Variants in HSPH1 observed in about 807,000 individuals in gnomAD.
HSPH1 encodes the protein heat shock protein family H (Hsp110) member 1.
A neutral mutation model predicts 100.0 loss-of-function variants in HSPH1; 40 were observed. The observed-to-expected ratio is 0.40, with a 90% CI of 0.31 to 0.52. The LOEUF (loss-of-function observed/expected upper bound fraction) is 0.52. Ranked by LOEUF, HSPH1 falls within the 20% of genes least tolerant of loss-of-function variation. The probability of loss-of-function intolerance (pLI) is 0.54; values close to 1 mark genes in which losing one functional copy is unlikely to be tolerated. For missense variants in HSPH1, 876 were observed against 1,015.1 expected (o/e 0.86, Z 1.86); for synonymous variants, 403 against 344.0 (o/e 1.17, Z -1.90).
intron 1 of HSPH1, 45 bp from the exon 2 acceptor site, chr13:31,158,908 A>G (rs768535391): frequency 7.4e-6 from 9 of 1,218,296 alleles, no homozygotes; most frequent in South Asian, 3.6e-5. Context: ...ATAAAGGTTG[A>G]TATTTTAAAC....
At position 31,152,917 on chromosome 13, in the gene HSPH1, G is replaced by C; in HGVS notation, c.464C>G (p.Ser155Cys). The change falls in exon 5 of 18, where the codon TCT becomes TGT. Residue 155 changes from serine (S) to cysteine (C), a missense_variant. Ser to Cys is a moderately radical substitution (Grantham distance 112). Transcript: ENST00000320027. The part of the protein sequence containing the change: ...PSFFTDAERR[S>C]VLDAAQIVGL... ...AACAATCTGTGCAGCATCTAACACA[G>C]ATCGCCTCTCAGCATCTGTAAAGAA... 6.2e-7 allele frequency: 1 copy of C among 1,612,554 alleles called. No homozygotes were observed. The highest frequency in any genetic ancestry group is 1.7e-5 in the Admixed American group (1 of 59,988).
Position 31,161,778 on chromosome 13 carries a change from G to A in HSPH1, c.-196C>T, listed in dbSNP as rs1244482914. The A allele has an allele frequency of 7.3e-6, 11 of 1,501,258 alleles. No individual in the cohort carries two copies. The highest frequency in any genetic ancestry group is 8.0e-6 in the Non-Finnish European group (9 of 1,126,362). The allele number at this position is 1,501,258 out of a possible 1,614,324, so 93.0% of individuals were successfully genotyped here. A position where few individuals can be genotyped will look rare whatever the true frequency, so the allele number is the denominator to read the frequency against. ...GCCTCCTACTCCCCCGGGGACAGCG[G>A]CGGCTGGCTGATAAGAAACCCTGGG... On this transcript the variant is annotated 5_prime_UTR_variant, in exon 1 of 18. Coordinates refer to ENST00000320027, the MANE Select transcript of HSPH1 (RefSeq NM_006644.4).
Position 31,148,080 on chromosome 13 carries a change from G to C in HSPH1, c.1257C>G (p.Val419=). 6.2e-7 allele frequency: 1 copy of C among 1,606,736 alleles called. No homozygotes were observed. The highest frequency in any genetic ancestry group is 8.5e-7 in the Non-Finnish European group (1 of 1,177,888). The change falls in exon 10 of 18, where the codon GTC becomes GTG. Residue 419 remains valine, a synonymous_variant. Transcript: ENST00000320027. ...DSEDTEGVHE[V]FSRNHAAPFS... Reference sequence around the variant, plus strand: ...AAGGAGCAGCATGGTTTCGACTAAAGACTTCATGAACACTAGAGAGAAAAG... The same window carrying C: ...AAGGAGCAGCATGGTTTCGACTAAACACTTCATGAACACTAGAGAGAAAAG...
At chr13:31,142,710 T>G (rs1307969661) in intron 12 of HSPH1, among the ~76,000 whole-genome samples, 2 of 152,036 alleles carry the variant, frequency 1.3e-5, no homozygotes, top group South Asian at 4.1e-4. Flanking sequence ...TCCAAAAGGT[T>G]TGAGACTAGT....
chr13:31,143,114 T>C (rs1225541973), intron 12 of HSPH1, among the ~76,000 whole-genome samples: 1 of 152,122 alleles, frequency 6.6e-6, no homozygotes, highest in Non-Finnish European at 1.5e-5. Flanking sequence ...AGCAGGCTAA[T>C]TATTTACATG....
rs758234099 is a variant in HSPH1, at chr13:31,150,851, T to C, written c.908+96A>G. 7.2e-4 allele frequency: 889 copies of C among 1,242,852 alleles called. 1 individual carries two copies. Among genetic ancestry groups the C allele is most frequent in the Non-Finnish European group, 9.1e-4 (809 of 893,382 alleles). The allele number at this position is 1,242,852 out of a possible 1,614,324, so 77.0% of individuals were successfully genotyped here. On this transcript the variant is annotated intron_variant, in intron 7 of 17. Transcript: ENST00000320027. ...AGGCATGTAACACACAATTCTGAAA[T>C]GTAGGCCAAGACTCACAACACCCAC...
intron 14 of HSPH1, among the ~76,000 whole-genome samples, chr13:31,139,480 C>T (rs915891970): frequency 1.3e-5 from 2 of 152,048 alleles, no homozygotes; most frequent in Non-Finnish European, 2.9e-5. Flanking sequence ...TATGGTATGA[C>T]TTCTACTGTA....
chr13:31,140,865 C>CTG (rs1956064298), intron 13 of HSPH1: 2 of 302,584 alleles, frequency 6.6e-6, no homozygotes, highest in Non-Finnish European at 1.2e-5. Context: ...TCCAACTGTA[C>CTG]TGTGCTCTGT....
At chr13:31,159,474 A>C (rs1170522327) in intron 1 of HSPH1, among the ~76,000 whole-genome samples, 1 of 152,248 alleles carries the variant, frequency 6.6e-6, no homozygotes, top group Admixed American at 6.5e-5. Flanking sequence ...GGAGTGACTA[A>C]TCAGTTACAT....
At chr13:31,137,827 AG>A (rs1190902520) in intron 17 of HSPH1, among the ~76,000 whole-genome samples, 1 of 152,184 alleles carries the variant, frequency 6.6e-6, no homozygotes, top group Admixed American at 6.5e-5. Context: ...AAAGAGGTTA[AG>A]TAACTTCAAG....
At chr13:31,145,867 C>T in intron 10 of HSPH1, 99 bp from the exon 11 acceptor site, 1 of 1,109,848 alleles carries the variant, frequency 9.0e-7, no homozygotes. Context: ...TGTCTGTAAT[C>T]CCAGCACTTT....
chr13:31,141,965 A>C (rs1205199780), intron 12 of HSPH1, among the ~76,000 whole-genome samples: 1 of 152,094 alleles, frequency 6.6e-6, no homozygotes, highest in Non-Finnish European at 1.5e-5. Flanking sequence ...AAAATATGTA[A>C]ATACAGGGCT....
intron 1 of HSPH1, among the ~76,000 whole-genome samples, chr13:31,160,790 A>G (rs1264308478): frequency 1.3e-5 from 2 of 152,238 alleles, no homozygotes; most frequent in African/African-American, 4.8e-5. Context: ...AGAGCAAAAA[A>G]AAAGACGTTT....
rs754193474 is a variant in HSPH1, at chr13:31,140,321, C to T, written c.1855-12G>A. ...ATTATCATCTTACCCTGTCAGGAAA[C>T]AGGAAAGGTTAATTCCAGTCTTCTA... On this transcript the variant is annotated splice_polypyrimidine_tract_variant and intron_variant, in intron 13 of 17. Transcript: ENST00000320027. 5.0e-6 allele frequency: 8 copies of T among 1,605,898 alleles called. No homozygotes were observed. The South Asian group carries it at 8.8e-5, about 18-fold the overall frequency.
In HSPH1 at chr13:31,137,526, TAAAGA is replaced by T. The variant is rs1273138881; in HGVS notation, c.2371-7_2371-3del. On this transcript the variant is annotated splice_polypyrimidine_tract_variant and splice_region_variant and intron_variant, in intron 17 of 17. Transcript: ENST00000320027. ...GGGTTCACATGTGTTGTTCAATTCC[TAAAGA>T]AAACAAAAACTAGTTATCAGATTAA... is the stretch of plus-strand genomic sequence containing the variant. 3 of 1,604,816 alleles carry T rather than the reference TAAAGA, an allele frequency of 1.9e-6. No individual in the cohort carries two copies. The highest frequency in any genetic ancestry group is 2.5e-6 in the Non-Finnish European group (3 of 1,176,550).
chr13:31,161,438 G>A (rs369384093), intron 1 of HSPH1, 38 bp downstream of exon 1: 101 of 1,611,242 alleles, frequency 6.3e-5, no homozygotes, highest in African/African-American at 9.4e-5. Context: ...TAAGGGCCCA[G>A]AACCTCCTCC....
intron 10 of HSPH1, among the ~76,000 whole-genome samples, chr13:31,147,523 C>G (rs1011399171): frequency 5.9e-5 from 9 of 152,030 alleles, no homozygotes; most frequent in African/African-American, 1.9e-4. Context: ...GAAAAGATAA[C>G]ACAAAGGTAC....
Position 31,137,409 on chromosome 13 carries a change from T to C in HSPH1, c.2486A>G (p.Glu829Gly). ...PNIDKKEEDL[E>G]DKNNFGAEPP... Reference sequence around the variant, plus strand: ...TTCAGCACCAAAATTGTTTTTGTCTTCTAAATCTTCTTCCTTTTTATCAAT... The same window carrying C: ...TTCAGCACCAAAATTGTTTTTGTCTCCTAAATCTTCTTCCTTTTTATCAAT... The change falls in exon 18 of 18, where the codon GAA (glutamate) becomes GGA (glycine). Residue 829 changes from glutamate to glycine, a missense_variant. Transcript: ENST00000320027. The C allele has an allele frequency of 6.2e-7, 1 of 1,613,590 alleles. No individual in the cohort carries two copies. The highest frequency in any genetic ancestry group is 8.5e-7 in the Non-Finnish European group (1 of 1,179,602).
intron 10 of HSPH1, among the ~76,000 whole-genome samples, chr13:31,146,039 G>C (rs1257165626): frequency 6.6e-6 from 1 of 152,142 alleles, no homozygotes; most frequent in Admixed American, 6.6e-5. Context: ...GGAGTCTGAG[G>C]CGGGAGGACT....
Sources: allele counts gnomAD v4.1 joint callset (sites outside exome capture counted in the v4.1 genomes callset), GRCh38; gene constraint gnomAD v4.1.1; transcripts MANE v1.5; gene names NCBI Gene and HGNC (gene_info 2026-07-23, HGNC 2026-07-21).